Variants in SLFN12L observed in about 807,000 individuals in gnomAD.
The protein encoded by SLFN12L is schlafen family member 12-like.
A neutral mutation model predicts 34.8 loss-of-function variants in SLFN12L; 34 were observed. The ratio of observed to expected loss-of-function variants is 0.98; its 90% CI spans 0.74 to 1.30. The LOEUF (loss-of-function observed/expected upper bound fraction) is 1.30. Ranked by LOEUF, SLFN12L falls within the 50% of genes most tolerant of loss-of-function variation. The pLI is 0.00. For missense variants in SLFN12L, 703 were observed against 696.2 expected (o/e 1.01, Z -0.11); for synonymous variants, 259 against 247.5 (o/e 1.05, Z -0.44).
Position 35,474,756 on chromosome 17 carries a change from T to C in SLFN12L, c.*167A>G, listed in dbSNP as rs367911858. The C allele has an allele frequency of 7.4e-6, 4 of 539,482 alleles. No homozygotes were observed. In the African/African-American group the frequency reaches 9.6e-5, roughly 13 times the overall value. 33.4% of individuals were successfully genotyped at this position (539,482 alleles called of 1,614,324 possible). On this transcript the variant is annotated 3_prime_UTR_variant, in exon 5 of 5. Transcript: ENST00000628453. Reference sequence around the variant, plus strand: ...CTGGCCAAGACGGTGAAACCCCATCTCTGCTAAAAATACAAAAAAAAAAAA... The same window carrying C: ...CTGGCCAAGACGGTGAAACCCCATCCCTGCTAAAAATACAAAAAAAAAAAA...
chr17:35,509,512 G>A (rs112078619), intron 2 of SLFN12L, among the ~76,000 whole-genome samples: 3,801 of 152,148 alleles, frequency 0.025, 94 homozygotes, highest in South Asian at 0.12. Flanking sequence ...ACAGCAATTT[G>A]GGAAGTTTTC....
At chr17:35,529,262 T>C (rs1256296291) in intron 1 of SLFN12L, among the ~76,000 whole-genome samples, 2 of 152,196 alleles carry the variant, frequency 1.3e-5, no homozygotes, top group African/African-American at 4.8e-5. Context: ...GTAAATTAGT[T>C]CCACCATTGT....
At chr17:35,522,120 A>T (rs1485149483) in intron 2 of SLFN12L, among the ~76,000 whole-genome samples, 159 bp downstream of exon 2, 1 of 146,012 alleles carries the variant, frequency 6.8e-6, no homozygotes, top group Non-Finnish European at 1.5e-5. Flanking sequence ...AAAGTATAAT[A>T]AAAAAAAGGT....
chr17:35,502,975 C>T (rs914501775), intron 2 of SLFN12L, among the ~76,000 whole-genome samples: 3 of 128,628 alleles, frequency 2.3e-5, no homozygotes, highest in Non-Finnish European at 4.7e-5. Flanking sequence ...CTGTGAAAGT[C>T]GTGAAAGAGA....
chr17:35,489,778 T>C (rs563012204), intron 2 of SLFN12L, among the ~76,000 whole-genome samples: 2 of 152,130 alleles, frequency 1.3e-5, no homozygotes, highest in Admixed American at 6.5e-5. Context: ...AGAATACATA[T>C]GACGTCTGCA....
intron 2 of SLFN12L, among the ~76,000 whole-genome samples, chr17:35,512,026 T>C (rs1199564396): frequency 2.0e-5 from 3 of 152,246 alleles, no homozygotes; most frequent in Non-Finnish European, 4.4e-5. Flanking sequence ...GTTTTTCTGT[T>C]CTCACCTGCT....
At chr17:35,524,847 G>A (rs766414325) in intron 1 of SLFN12L, among the ~76,000 whole-genome samples, 6 of 152,066 alleles carry the variant, frequency 3.9e-5, no homozygotes, top group Non-Finnish European at 5.9e-5. Context: ...AAAACTGGAC[G>A]GAGAATGAGT....
intron 2 of SLFN12L, among the ~76,000 whole-genome samples, chr17:35,486,004 A>G (rs1444717055): frequency 1.3e-5 from 2 of 152,180 alleles, no homozygotes; most frequent in Non-Finnish European, 2.9e-5. Flanking sequence ...TTGGTTGCAT[A>G]CAAATTTTAA....
intron 2 of SLFN12L, among the ~76,000 whole-genome samples, chr17:35,497,842 C>T (rs1270546974): frequency 1.3e-5 from 2 of 152,088 alleles, no homozygotes; most frequent in African/African-American, 4.8e-5. Context: ...ATTTTTGTTA[C>T]TAAATAATAC....
In SLFN12L at chr17:35,475,274, T is replaced by C. The variant is rs1259409368; in HGVS notation, c.1488A>G (p.Pro496=). Residue 496 remains proline (P), a synonymous_variant, in exon 5 of 5, where the codon CCA becomes CCG. Coordinates refer to ENST00000628453, the MANE Select transcript of SLFN12L (RefSeq NM_001363830.2). ...DALLISQDKP[P]VLYTFHMVQD... ...GTACCATGTGGAAGGTGTATAGGAC[T>C]GGAGGCTTGTCCTGGGAAATCAGAA... 1 of 1,614,074 alleles carries C rather than the reference T, an allele frequency of 6.2e-7. No individual in the cohort carries two copies. The highest frequency in any genetic ancestry group is 1.3e-5 in the African/African-American group (1 of 74,924).
chr17:35,527,291 G>A (rs2072345937), intron 1 of SLFN12L, among the ~76,000 whole-genome samples: 1 of 152,152 alleles, frequency 6.6e-6, no homozygotes, highest in African/African-American at 2.4e-5. Flanking sequence ...ATGAAGAGGA[G>A]CTGGTACCAT....
intron 2 of SLFN12L, chr17:35,490,163 G>A: frequency 2.5e-6 from 4 of 1,606,952 alleles, no homozygotes; most frequent in Non-Finnish European, 3.4e-6. Flanking sequence ...CTCCAGCAGA[G>A]CCGGGCTGCT....
intron 2 of SLFN12L, chr17:35,490,127 C>T (rs1380420068): frequency 1.2e-5 from 19 of 1,606,086 alleles, no homozygotes; most frequent in Non-Finnish European, 1.4e-5. Flanking sequence ...CGCCGGCAAC[C>T]TCCTCTACAC....
At chr17:35,528,464 C>A (rs1162944194) in intron 1 of SLFN12L, among the ~76,000 whole-genome samples, 1 of 152,186 alleles carries the variant, frequency 6.6e-6, no homozygotes, top group Non-Finnish European at 1.5e-5. Flanking sequence ...GCTACAATAA[C>A]CAAAACAGCA....
chr17:35,497,572 G>T (rs982695184), intron 2 of SLFN12L, among the ~76,000 whole-genome samples: 6 of 152,084 alleles, frequency 3.9e-5, no homozygotes, highest in African/African-American at 1.4e-4. Context: ...TTAGTGGAAG[G>T]CCACGTTTAC....
intron 2 of SLFN12L, chr17:35,498,907 C>A: frequency 1.4e-6 from 1 of 715,038 alleles, no homozygotes; most frequent in Non-Finnish European, 2.5e-6. Flanking sequence ...ATGCCCAGCC[C>A]TATTCTGCAG....
At chr17:35,519,996 T>C (rs1915951144) in intron 2 of SLFN12L, among the ~76,000 whole-genome samples, 1 of 152,164 alleles carries the variant, frequency 6.6e-6, no homozygotes, top group Admixed American at 6.5e-5. Flanking sequence ...ATAAACATCA[T>C]AAGACCGATG....
At chr17:35,537,410 C>T (rs1214290427) in intron 1 of SLFN12L, among the ~76,000 whole-genome samples, 163 bp downstream of exon 1, 2 of 152,044 alleles carry the variant, frequency 1.3e-5, no homozygotes, top group Admixed American at 6.6e-5. Flanking sequence ...AAAGTGTAGA[C>T]CTAAAGTGTC....
intron 2 of SLFN12L, among the ~76,000 whole-genome samples, chr17:35,521,611 G>C (rs1268343403): frequency 2.6e-5 from 4 of 152,194 alleles, no homozygotes. Context: ...TACAATTCCA[G>C]CAATTGGGGA....
Sources: gnomAD v4.1 joint callset for allele counts (sites outside exome capture counted in the v4.1 genomes callset) on GRCh38, gnomAD v4.1.1 for gene constraint, MANE v1.5 for transcripts, NCBI Gene and HGNC (gene_info 2026-07-23, HGNC 2026-07-21) for gene names.